KANK1: variants seen among roughly 807,000 people sequenced by gnomAD.
KANK1 encodes the protein KN motif and ankyrin repeat domain-containing protein 1.
KANK1 carries 109 observed loss-of-function variants against 106.2 expected under a neutral mutation model. That is an observed-to-expected ratio of 1.03 (90% CI 0.88 to 1.20). The LOEUF is 1.20. Among genes scored for constraint, KANK1 ranks in the 50% most tolerant of loss-of-function variants. The pLI is 0.00. For synonymous variants in KANK1, 873 were observed against 652.2 expected (o/e 1.34, Z -5.16); for missense variants, 2,399 against 1,710.7 (o/e 1.40, Z -7.10).
At chr9:607,484 CAAAAAAAAAAAAA>C (rs760884670) in intron 1 of KANK1, among the ~76,000 whole-genome samples, 1 of 61,222 alleles carries the variant, frequency 1.6e-5, no homozygotes, top group African/African-American at 5.8e-5. Context: ...GACTCCATCT[CAAAAAAAAAAAAA>C]AAAAAAAAAA....
intron 1 of KANK1, among the ~76,000 whole-genome samples, chr9:543,859 A>T (rs921726064): frequency 1.3e-5 from 2 of 152,134 alleles, no homozygotes; most frequent in African/African-American, 4.8e-5. Context: ...CAAAATCTGA[A>T]TCCAAATCCA....
chr9:734,969 C>G, intron 7 of KANK1, 134 bp downstream of exon 7: 2 of 664,666 alleles, frequency 3.0e-6, no homozygotes, highest in Non-Finnish European at 5.4e-6. Flanking sequence ...CATGAGTGGG[C>G]TGGGTAAACA....
rs1029964576 is a variant in KANK1, at chr9:590,420, T to A, written c.-84+85666T>A. Among the ~76,000 whole-genome samples the A allele has an allele frequency of 3.9e-5, 6 of 152,176 alleles. 1 individual carries two copies. The highest frequency in any genetic ancestry group is 1.4e-4 in the African/African-American group (6 of 41,424). On this transcript the variant is annotated intron_variant, in intron 1 of 11. Transcript: ENST00000382297. ...TCTACGCTGCCTCCTCTCCATTTCCTCCTTTACCAGACAGTTTAGTGTGTC... is the reference window on the plus strand; with the variant it reads ...TCTACGCTGCCTCCTCTCCATTTCCACCTTTACCAGACAGTTTAGTGTGTC...
At chr9:611,286 C>G (rs989422019) in intron 1 of KANK1, among the ~76,000 whole-genome samples, 12 of 152,198 alleles carry the variant, frequency 7.9e-5, no homozygotes, top group Non-Finnish European at 1.5e-4. Flanking sequence ...TGTCACTGAA[C>G]CAAGAGCCCA....
chr9:634,014 G>C (rs949454681), intron 1 of KANK1, among the ~76,000 whole-genome samples: 1 of 152,170 alleles, frequency 6.6e-6, no homozygotes, highest in Non-Finnish European at 1.5e-5. Context: ...TGGTAAGAAA[G>C]GTTTATCTTT....
chr9:649,829 A>G (rs1840491461), intron 1 of KANK1, among the ~76,000 whole-genome samples: 1 of 152,094 alleles, frequency 6.6e-6, no homozygotes, highest in South Asian at 2.1e-4. Flanking sequence ...CTGCCCACAT[A>G]TGCACCTCCT....
intron 1 of KANK1, among the ~76,000 whole-genome samples, chr9:673,309 A>C (rs1815647424): frequency 6.9e-6 from 1 of 145,198 alleles, no homozygotes; most frequent in South Asian, 2.2e-4. Context: ...CTCCCTGTTC[A>C]AGTGATTCTT....
intron 3 of KANK1, among the ~76,000 whole-genome samples, chr9:719,883 A>G (rs1012629785): frequency 8.5e-5 from 13 of 152,160 alleles, no homozygotes; most frequent in African/African-American, 3.1e-4. Flanking sequence ...TTCCAGCTCT[A>G]GTTTCACTGA....
intron 3 of KANK1, among the ~76,000 whole-genome samples, chr9:726,163 A>G (rs1170608435): frequency 6.6e-6 from 1 of 151,862 alleles, no homozygotes; most frequent in African/African-American, 2.4e-5. Context: ...AGTCAAACAA[A>G]AGACTTCAGA....
intron 2 of KANK1, chr9:693,836 G>C: frequency 1.0e-6 from 1 of 983,192 alleles, no homozygotes; most frequent in Non-Finnish European, 1.2e-6. Context: ...CATGATGTTT[G>C]GGTGGGGGTT....
chr9:714,055 A>G (rs10481605), intron 3 of KANK1, among the ~76,000 whole-genome samples: 2 of 149,944 alleles, frequency 1.3e-5, no homozygotes, highest in Admixed American at 1.3e-4. Flanking sequence ...CCTGGGCAAC[A>G]TAGTAAGACC....
intron 7 of KANK1, among the ~76,000 whole-genome samples, chr9:737,694 A>T (rs1834172106): frequency 6.6e-6 from 1 of 152,038 alleles, no homozygotes; most frequent in African/African-American, 2.4e-5. Context: ...TTGGGGTGGG[A>T]ATTGGGTTGG....
chr9:491,731 C>T (rs1012605576), intron 3 of KANK1, among the ~76,000 whole-genome samples: 2 of 152,178 alleles, frequency 1.3e-5, no homozygotes, highest in African/African-American at 4.8e-5. Flanking sequence ...TGTCCCCACC[C>T]AAATCTCATC....
At chr9:507,927 G>T (rs12345253) in intron 1 of KANK1, among the ~76,000 whole-genome samples, 19,717 of 150,948 alleles carry the variant, frequency 0.13, 2,131 homozygotes, top group African/African-American at 0.3. Context: ...CTTGTGATCC[G>T]CCCACCTCAG....
chr9:727,062 T>A (rs1479879951), intron 3 of KANK1, among the ~76,000 whole-genome samples: 1 of 152,252 alleles, frequency 6.6e-6, no homozygotes. Flanking sequence ...ATGTTAATAT[T>A]CTCCTATATC....
chr9:660,194 A>C (rs148408506), intron 1 of KANK1: 21 of 291,020 alleles, frequency 7.2e-5, no homozygotes, highest in Non-Finnish European at 1.4e-4. Context: ...ATTTGCCTGC[A>C]ATGATACTGT....
chr9:720,917 A>C (rs1829143487), intron 3 of KANK1, among the ~76,000 whole-genome samples: 1 of 152,176 alleles, frequency 6.6e-6, no homozygotes, highest in African/African-American at 2.4e-5. Context: ...AAAAATTCAC[A>C]TGGATCCAAG....
chr9:648,335 G>A (rs1029594639), intron 1 of KANK1, among the ~76,000 whole-genome samples: 3 of 152,014 alleles, frequency 2.0e-5, no homozygotes, highest in African/African-American at 7.3e-5. Flanking sequence ...TAACTGCATA[G>A]TAGTTAGTTT....
chr9:671,225 G>GT (rs34085331), intron 1 of KANK1, among the ~76,000 whole-genome samples: 4,759 of 149,858 alleles, frequency 0.032, 264 homozygotes, highest in African/African-American at 0.11. Context: ...ACCTGGTGGA[G>GT]TTTTTTTTTT....
Sources: gnomAD v4.1 joint callset for allele counts (sites outside exome capture counted in the v4.1 genomes callset) on GRCh38, gnomAD v4.1.1 for gene constraint, MANE v1.5 for transcripts, NCBI Gene and HGNC (gene_info 2026-07-23, HGNC 2026-07-21) for gene names.